Variants in CLDN14 observed in about 807,000 individuals in gnomAD.
CLDN14 encodes the protein claudin-14.
CLDN14 carries 2 observed loss-of-function variants against 2.1 expected under a neutral mutation model. The observed-to-expected ratio is 0.96, with a 90% CI of 0.39 to 3.01. The LOEUF (loss-of-function observed/expected upper bound fraction) is 3.01, where lower values mean the gene tolerates loss of function less well. CLDN14 is among the 30% of genes most tolerant of loss of function. The pLI is 0.09. For synonymous variants in CLDN14, 136 were observed against 154.4 expected (o/e 0.88, Z 0.88); for missense variants, 298 against 328.0 (o/e 0.91, Z 0.71).
intron 1 of CLDN14, among the ~76,000 whole-genome samples, chr21:36,550,400 G>C (rs574034148): frequency 1.3e-5 from 2 of 152,298 alleles, no homozygotes; most frequent in African/African-American, 4.8e-5. Context: ...ACCTTCATTG[G>C]TGTGGAAATA....
intron 1 of CLDN14, among the ~76,000 whole-genome samples, chr21:36,527,947 A>C (rs1221623770): frequency 6.6e-6 from 1 of 152,190 alleles, no homozygotes; most frequent in East Asian, 1.9e-4. Flanking sequence ...TTTGATGCTG[A>C]GGCGAGGACA....
At chr21:36,504,370 TTC>T (rs897357461) in intron 2 of CLDN14, among the ~76,000 whole-genome samples, 3 of 152,088 alleles carry the variant, frequency 2.0e-5, no homozygotes, top group Non-Finnish European at 2.9e-5. Context: ...AATTACTGTA[TTC>T]TCTTTTTCTG....
upstream of CLDN14, among the ~76,000 whole-genome samples, chr21:36,484,375 G>C (rs1418549556): frequency 5.3e-5 from 8 of 152,116 alleles, no homozygotes; most frequent in East Asian, 1.5e-3. Flanking sequence ...AACTTGGCCA[G>C]AGCATTGGTG....
intron 2 of CLDN14, among the ~76,000 whole-genome samples, chr21:36,489,954 T>C (rs2086944300): frequency 6.6e-6 from 1 of 152,196 alleles, no homozygotes; most frequent in Non-Finnish European, 1.5e-5. Flanking sequence ...CAGGAGCCGT[T>C]GAATGAACAG....
At chr21:36,554,553 T>C (rs368445383) in intron 1 of CLDN14, among the ~76,000 whole-genome samples, 28 of 152,300 alleles carry the variant, frequency 1.8e-4, no homozygotes, top group Admixed American at 7.2e-4. Flanking sequence ...TCGTGCAAGA[T>C]GGATACTATA....
chr21:36,491,668 G>C (rs996574462), intron 2 of CLDN14, among the ~76,000 whole-genome samples: 15 of 152,162 alleles, frequency 9.9e-5, no homozygotes, highest in African/African-American at 3.6e-4. Context: ...AAAAGATCTG[G>C]AGAAGGGTGG....
At position 36,514,762 on chromosome 21, in the gene CLDN14, G is replaced by C. The variant is rs116732488; in HGVS notation, c.-219-4262C>G. Among the ~76,000 whole-genome samples the C allele has an allele frequency of 1.9e-3, 294 of 151,634 alleles. 2 individuals are homozygous for C. Among genetic ancestry groups the C allele is most frequent in the African/African-American group, 7.0e-3 (288 of 41,336 alleles). On this transcript the variant is annotated intron_variant, in intron 1 of 2. Transcript: ENST00000342108. ...CCTCATTTAACCTGGTCCTGAGGAG[G>C]GGGTGGCTGGTTTCTGCACTGAGAT...
chr21:36,507,402 C>T (rs144190098), intron 2 of CLDN14, among the ~76,000 whole-genome samples: 1,661 of 152,184 alleles, frequency 0.011, 16 homozygotes, highest in Middle Eastern at 0.027. Context: ...CAGAGACAAC[C>T]GCTTGAGTGT....
chr21:36,565,654 A>C (rs973259740), intron 1 of CLDN14, among the ~76,000 whole-genome samples: 1 of 152,234 alleles, frequency 6.6e-6, no homozygotes, highest in Admixed American at 6.5e-5. Flanking sequence ...AACTCTGAAC[A>C]TCGGGGAGAG....
Position 36,460,951 on chromosome 21 carries a change from C to T in CLDN14, c.*25G>A, listed in dbSNP as rs1450845452. On this transcript the variant is annotated 3_prime_UTR_variant, in exon 2 of 2. Coordinates refer to ENST00000399135, the MANE Select transcript of CLDN14 (RefSeq NM_001146079.2). The surrounding 1 kb of genome is among the most constrained non-coding windows in gnomAD (Gnocchi z 4.0). ...GCCGGGGACCCAGCCCACAGCAGCC[C>T]AGGGGAGAAGCAGGCTGTGGGGACT... 5.0e-6 allele frequency: 8 copies of T among 1,609,102 alleles called. No homozygotes were observed. In the African/African-American group the frequency reaches 8.0e-5, roughly 16 times the overall value.
At chr21:36,528,045 A>C (rs181043654) in intron 1 of CLDN14, among the ~76,000 whole-genome samples, 2 of 152,322 alleles carry the variant, frequency 1.3e-5, no homozygotes, top group East Asian at 1.9e-4. Context: ...TTTTACTTTT[A>C]AAAATCTTAG....
chr21:36,507,755 C>T (rs566081310), intron 2 of CLDN14, among the ~76,000 whole-genome samples: 77 of 152,166 alleles, frequency 5.1e-4, no homozygotes, highest in African/African-American at 1.9e-3. Flanking sequence ...CAGAGTGAGA[C>T]TCCATCTCAA....
chr21:36,543,021 C>T (rs897350888), intron 1 of CLDN14, among the ~76,000 whole-genome samples: 2 of 152,188 alleles, frequency 1.3e-5, no homozygotes, highest in Admixed American at 1.3e-4. Flanking sequence ...CTGGCGGGGG[C>T]AGGGGGGAGC....
intron 1 of CLDN14, among the ~76,000 whole-genome samples, chr21:36,470,867 T>C (rs899666063): frequency 1.3e-5 from 2 of 152,224 alleles, no homozygotes; most frequent in African/African-American, 4.8e-5. Flanking sequence ...TCCCAGCTAC[T>C]TTGGAAGCTG....
intron 2 of CLDN14, among the ~76,000 whole-genome samples, chr21:36,485,676 G>A (rs2086887422): frequency 1.3e-5 from 2 of 152,118 alleles, no homozygotes; most frequent in South Asian, 2.1e-4. Flanking sequence ...GCTCTGTCCT[G>A]TTTTCTGTCT....
At chr21:36,549,693 C>T (rs929492973) in intron 1 of CLDN14, among the ~76,000 whole-genome samples, 3 of 152,230 alleles carry the variant, frequency 2.0e-5, no homozygotes, top group Admixed American at 6.5e-5. Flanking sequence ...CAGCACACAA[C>T]GGCCCTGGAG....
At chr21:36,467,198 T>C (rs2086657402) in intron 1 of CLDN14, among the ~76,000 whole-genome samples, 1 of 152,218 alleles carries the variant, frequency 6.6e-6, no homozygotes, top group Non-Finnish European at 1.5e-5. Flanking sequence ...CTCTGAGCTA[T>C]GTTTTTCTTT....
At chr21:36,545,217 A>G (rs1328937398) in intron 1 of CLDN14, among the ~76,000 whole-genome samples, 1 of 152,174 alleles carries the variant, frequency 6.6e-6, no homozygotes, top group Non-Finnish European at 1.5e-5. Context: ...TTTTTAAGAA[A>G]CACAAATTCA....
chr21:36,565,812 C>T (rs1223367922), intron 1 of CLDN14, among the ~76,000 whole-genome samples: 3 of 152,186 alleles, frequency 2.0e-5, no homozygotes, highest in Non-Finnish European at 4.4e-5. Context: ...CTCTCATCCC[C>T]CTTGCCACAG....
Sources: gnomAD v4.1 joint callset for allele counts (sites outside exome capture counted in the v4.1 genomes callset) on GRCh38, gnomAD v4.1.1 for gene constraint, Gnocchi (gnomAD v3.1) non-coding constraint, MANE v1.5 for transcripts, NCBI Gene and HGNC (gene_info 2026-07-23, HGNC 2026-07-21) for gene names.